TCOF1: variants seen among roughly 807,000 people sequenced by gnomAD.
TCOF1 encodes treacle protein.
TCOF1 carries 33 observed loss-of-function variants against 149.0 expected under a neutral mutation model. The observed-to-expected ratio is 0.22, with a 90% CI of 0.17 to 0.30. The LOEUF is 0.30. Ranked by LOEUF, TCOF1 falls within the 10% of genes least tolerant of loss-of-function variation. TCOF1 has a pLI of 1.00. For missense variants in TCOF1, 1,728 were observed against 1,840.7 expected (o/e 0.94, Z 1.12); for synonymous variants, 789 against 738.8 (o/e 1.07, Z -1.10).
chr5:150,374,819 A>G lies in TCOF1; in HGVS notation c.1278+8A>G, dbSNP rs1207564878. The G allele has an allele frequency of 6.9e-6, 11 of 1,605,140 alleles. No homozygotes were observed. The highest frequency in any genetic ancestry group is 9.4e-6 in the Non-Finnish European group (11 of 1,176,238). On this transcript the variant is annotated splice_region_variant and intron_variant, in intron 9 of 26. Coordinates refer to ENST00000643257, the MANE Select transcript of TCOF1 (RefSeq NM_001371623.1). Reference sequence around the variant, plus strand: ...GAGGAGGCGCCTGCTCAGGTGAGGCAGAGGGGAGGGGTGGAGAGTAGCCCC... The same window carrying G: ...GAGGAGGCGCCTGCTCAGGTGAGGCGGAGGGGAGGGGTGGAGAGTAGCCCC...
At chr5:150,386,478 G>A (rs1028058366) in intron 17 of TCOF1, among the ~76,000 whole-genome samples, 1 of 152,194 alleles carries the variant, frequency 6.6e-6, no homozygotes, top group Non-Finnish European at 1.5e-5. Context: ...AAAGGCCTAA[G>A]CCCAGAGAAG....
At chr5:150,384,487 G>C (rs1487690121) in intron 17 of TCOF1, 1 of 985,480 alleles carries the variant, frequency 1.0e-6, no homozygotes, top group Admixed American at 6.1e-5. Context: ...CCTCTCCTGG[G>C]CTTGGGCATT....
Position 150,393,449 on chromosome 5 carries a change from C to T in TCOF1, c.3681C>T (p.Asp1227=), listed in dbSNP as rs1352670944. The T allele has an allele frequency of 1.1e-5, 18 of 1,614,200 alleles. No homozygotes were observed. The highest frequency in any genetic ancestry group is 1.5e-5 in the Non-Finnish European group (18 of 1,180,040). The change falls in exon 23 of 27, where the codon GAC becomes GAT. Residue 1227 remains aspartate (D), a synonymous_variant. Transcript: ENST00000643257. ...SQASKATPKL[D]SSPSVSSTLA... ...CCTCAAAAGCCACTCCCAAGCTAGA[C>T]TCCAGCCCCTCAGTTTCCTCTACTC...
At chr5:150,398,192 G>A (rs1328184707) in intron 24 of TCOF1, among the ~76,000 whole-genome samples, 162 bp from the exon 25 acceptor site, 3 of 152,186 alleles carry the variant, frequency 2.0e-5, no homozygotes. Context: ...AAAGTGCTGG[G>A]ATTGCAGGAA....
chr5:150,380,031 C>T (rs940617921), intron 17 of TCOF1: 1 of 391,994 alleles, frequency 2.6e-6, no homozygotes, highest in Non-Finnish European at 4.9e-6. Flanking sequence ...AAGATCATGC[C>T]ACTGCACTCC....
intron 6 of TCOF1, among the ~76,000 whole-genome samples, chr5:150,370,753 G>A (rs1762347939): frequency 6.6e-6 from 1 of 152,202 alleles, no homozygotes; most frequent in African/African-American, 2.4e-5. Context: ...GATCATTTGA[G>A]GCCAGAAGTT....
chr5:150,383,101 G>T (rs761377164), intron 17 of TCOF1: 8 of 1,535,966 alleles, frequency 5.2e-6, no homozygotes, highest in Non-Finnish European at 4.4e-6. Context: ...CAAGACCCTG[G>T]CCCCAGCACC....
At chr5:150,387,640 G>A (rs563163676) in intron 17 of TCOF1, among the ~76,000 whole-genome samples, 1 of 152,282 alleles carries the variant, frequency 6.6e-6, no homozygotes, top group Admixed American at 6.5e-5. Context: ...TTCCCACTTT[G>A]TATAAGGGAG....
intron 2 of TCOF1, among the ~76,000 whole-genome samples, chr5:150,362,962 G>C (rs946341618): frequency 1.3e-5 from 2 of 152,212 alleles, no homozygotes; most frequent in Admixed American, 1.3e-4. Context: ...CTAGCTGTAT[G>C]TATGACCTTG....
In TCOF1 at chr5:150,361,142, T is replaced by TGG; in HGVS notation, c.109-14_109-13insGG. 6.2e-7 allele frequency: 1 copy of TGG among 1,614,096 alleles called. No individual in the cohort carries two copies. Among genetic ancestry groups the TGG allele is most frequent in the Non-Finnish European group, 8.5e-7 (1 of 1,179,972 alleles). Reference sequence around the variant, plus strand: ...CTGGGGATTAATTGTGGCTTTCTCTTTACCTCTCTGCAGAAGTGTTTCCTG... The same window carrying TGG: ...CTGGGGATTAATTGTGGCTTTCTCTTGGTACCTCTCTGCAGAAGTGTTTCCTG... On this transcript the variant is annotated splice_polypyrimidine_tract_variant and intron_variant, in intron 1 of 26. Coordinates refer to ENST00000643257, the MANE Select transcript of TCOF1 (RefSeq NM_001371623.1).
intron 5 of TCOF1, among the ~76,000 whole-genome samples, chr5:150,369,204 G>C (rs949300293): frequency 6.6e-6 from 1 of 152,220 alleles, no homozygotes; most frequent in African/African-American, 2.4e-5. Flanking sequence ...ATTTGCCTCT[G>C]TTTCCTATGT....
chr5:150,392,556 G>A (rs1767657657), intron 21 of TCOF1, 149 bp from the exon 22 acceptor site: 1 of 744,778 alleles, frequency 1.3e-6, no homozygotes, highest in Non-Finnish European at 2.3e-6. Context: ...TGCAAGGAGT[G>A]TTGAAGCAGT....
At chr5:150,357,923 C>A in intron 1 of TCOF1, 69 bp downstream of exon 1, 1 of 1,504,910 alleles carries the variant, frequency 6.6e-7, no homozygotes, top group Non-Finnish European at 8.9e-7. Flanking sequence ...GCGGCCCGCG[C>A]CCCGTCCCCA....
chr5:150,382,676 C>T (rs910186074), intron 17 of TCOF1, among the ~76,000 whole-genome samples: 5 of 152,254 alleles, frequency 3.3e-5, no homozygotes, highest in Non-Finnish European at 5.9e-5. Flanking sequence ...CTAGGTGGCT[C>T]CTGCTTTTGG....
chr5:150,375,939 G>A, intron 12 of TCOF1, 30 bp downstream of exon 12: 1 of 1,614,020 alleles, frequency 6.2e-7, no homozygotes, highest in Non-Finnish European at 8.5e-7. Context: ...GCTGCTACAT[G>A]GCCTGATCTG....
At chr5:150,389,854 G>T (rs1366343726) in intron 18 of TCOF1, 33 bp from the exon 19 acceptor site, 5 of 1,613,970 alleles carry the variant, frequency 3.1e-6, no homozygotes, top group Non-Finnish European at 3.4e-6. Flanking sequence ...GGGCTTTTGT[G>T]CCCTGATGTG....
chr5:150,393,347 C>G, intron 22 of TCOF1, 25 bp from the exon 23 acceptor site: 1 of 1,613,674 alleles, frequency 6.2e-7, no homozygotes, highest in African/African-American at 1.3e-5. Context: ...GTGGTGGCAG[C>G]CTCTTTCACA....
chr5:150,388,621 T>G (rs1254180390), intron 18 of TCOF1, among the ~76,000 whole-genome samples: 1 of 152,172 alleles, frequency 6.6e-6, no homozygotes, highest in Non-Finnish European at 1.5e-5. Context: ...TTACAAGCAA[T>G]AATACCTGAT....
At chr5:150,385,036 G>A in intron 17 of TCOF1, 4 of 985,388 alleles carry the variant, frequency 4.1e-6, no homozygotes, top group Non-Finnish European at 3.6e-6. Flanking sequence ...CTGTGCTGGG[G>A]TCAGGACAGC....
Sources: allele counts gnomAD v4.1 joint callset (sites outside exome capture counted in the v4.1 genomes callset), GRCh38; gene constraint gnomAD v4.1.1; transcripts MANE v1.5; gene names NCBI Gene and HGNC (gene_info 2026-07-23, HGNC 2026-07-21).